Variants in CDC73 observed in about 807,000 individuals in gnomAD.
The protein encoded by CDC73 is parafibromin.
Under a neutral mutation model 83.7 loss-of-function variants are expected in CDC73, and 21 were observed. The observed-to-expected ratio is 0.25, with a 90% CI of 0.18 to 0.36. CDC73 has a LOEUF of 0.36. Ranked by LOEUF, CDC73 falls within the 10% of genes least tolerant of loss-of-function variation. The probability of loss-of-function intolerance (pLI) is 1.00; values close to 1 mark genes in which losing one functional copy is unlikely to be tolerated. For synonymous variants in CDC73, 224 were observed against 212.9 expected (o/e 1.05, Z -0.45); for missense variants, 342 against 653.3 (o/e 0.52, Z 5.19).
chr1:193,225,614 G>A (rs1677554201), intron 13 of CDC73, among the ~76,000 whole-genome samples: 1 of 151,938 alleles, frequency 6.6e-6, no homozygotes, highest in Admixed American at 6.6e-5. Flanking sequence ...CAGAAGTAAG[G>A]CAGTATTGCA....
chr1:193,221,234 A>C (rs1236991463), intron 13 of CDC73, among the ~76,000 whole-genome samples: 1 of 152,134 alleles, frequency 6.6e-6, no homozygotes, highest in Non-Finnish European at 1.5e-5. Context: ...TTAAAGTTTG[A>C]TTTTATGTAT....
At chr1:193,168,810 C>T (rs989232557) in intron 10 of CDC73, among the ~76,000 whole-genome samples, 4 of 152,248 alleles carry the variant, frequency 2.6e-5, no homozygotes, top group African/African-American at 9.6e-5. Context: ...CACGCGTGAG[C>T]CACAGCGTCT....
intron 11 of CDC73, among the ~76,000 whole-genome samples, chr1:193,208,183 G>A (rs1677220962): frequency 1.3e-5 from 2 of 152,156 alleles, no homozygotes; most frequent in African/African-American, 4.8e-5. Flanking sequence ...TTCTGTTGGT[G>A]GGTTCTGTCA....
At chr1:193,149,845 TAA>T (rs894597501) in intron 8 of CDC73, among the ~76,000 whole-genome samples, 2 of 151,936 alleles carry the variant, frequency 1.3e-5, no homozygotes, top group Non-Finnish European at 2.9e-5. Flanking sequence ...TCTAATTATT[TAA>T]AAAAAATACG....
At position 193,131,073 on chromosome 1, in the gene CDC73, A is replaced by G. The variant is rs566542380; in HGVS notation, c.307+830A>G. On this transcript the variant is annotated intron_variant, in intron 3 of 16. Transcript: ENST00000367435. ...TCATATATATGCTGATGAAATTTCA[A>G]GTGTTTTTTTCAGCATTGATTTCTT... 2.6e-5 allele frequency among the ~76,000 whole-genome samples: 4 copies of G among 152,174 alleles called. No homozygotes were observed. The East Asian group carries it at 5.8e-4, about 22-fold the overall frequency.
chr1:193,135,481 A>G (rs1675775841), intron 4 of CDC73, 28 bp downstream of exon 4: 2 of 1,609,774 alleles, frequency 1.2e-6, no homozygotes, highest in Non-Finnish European at 1.7e-6. Flanking sequence ...TTTATATTGA[A>G]CTTTCAGAAG....
intron 13 of CDC73, among the ~76,000 whole-genome samples, chr1:193,224,350 T>TATATATGAAATATGCATTCACATATACAC (rs1183232504): frequency 6.6e-6 from 1 of 152,084 alleles, no homozygotes; most frequent in African/African-American, 2.4e-5. Flanking sequence ...TATATATATA[T>TATATATGAAATATGCATTCACATATACAC]ATATATGAAA....
chr1:193,208,295 G>C (rs1157390910), intron 11 of CDC73, among the ~76,000 whole-genome samples: 1 of 152,172 alleles, frequency 6.6e-6, no homozygotes, highest in African/African-American at 2.4e-5. Flanking sequence ...GTGGGTCTCA[G>C]TGTGGTCGGT....
chr1:193,174,615 T>C (rs988087861), intron 10 of CDC73, among the ~76,000 whole-genome samples: 7 of 152,190 alleles, frequency 4.6e-5, no homozygotes, highest in African/African-American at 1.4e-4. Flanking sequence ...CACTTGACAA[T>C]CCTTTCATAC....
chr1:193,185,006 A>T (rs927142193), intron 10 of CDC73, among the ~76,000 whole-genome samples: 1 of 152,042 alleles, frequency 6.6e-6, no homozygotes, highest in Non-Finnish European at 1.5e-5. Flanking sequence ...TTGCTGTTCT[A>T]TGATTGTTGC....
intron 9 of CDC73, 125 bp downstream of exon 9, chr1:193,150,507 A>G: frequency 1.5e-6 from 1 of 689,320 alleles, no homozygotes; most frequent in Non-Finnish European, 2.6e-6. Flanking sequence ...TACCCACTGC[A>G]ATTTTTCTTA....
In CDC73 at chr1:193,205,136, G is replaced by T. The variant is rs143234588; in HGVS notation, c.1030+1284G>T. On this transcript the variant is annotated intron_variant, in intron 11 of 16. Coordinates refer to ENST00000367435, the MANE Select transcript of CDC73 (RefSeq NM_024529.5). ...CTTTTGGGTTTGTTTTTGGTGTTTG[G>T]TGTTTGTTTTATTTTTACATTTATT... is the stretch of plus-strand genomic sequence containing the variant. Among the ~76,000 whole-genome samples, 24 of 145,546 alleles carry T rather than the reference G, an allele frequency of 1.6e-4. No individual in the cohort carries two copies. The East Asian group carries it at 4.7e-3, about 29-fold the overall frequency.
chr1:193,160,631 C>T (rs1676292190), intron 10 of CDC73, among the ~76,000 whole-genome samples: 1 of 151,992 alleles, frequency 6.6e-6, no homozygotes, highest in Non-Finnish European at 1.5e-5. Flanking sequence ...CAGTGTTAAA[C>T]ATATTTTATA....
chr1:193,227,194 A>G (rs908720777), intron 13 of CDC73, among the ~76,000 whole-genome samples: 1 of 151,768 alleles, frequency 6.6e-6, no homozygotes, highest in Non-Finnish European at 1.5e-5. Context: ...TCAAAGAACC[A>G]GCTTTTTTTG....
chr1:193,177,906 A>C (rs1418399765), intron 10 of CDC73, among the ~76,000 whole-genome samples: 3 of 152,226 alleles, frequency 2.0e-5, no homozygotes, highest in Non-Finnish European at 4.4e-5. Flanking sequence ...AAGTATTCTA[A>C]GTATTGAAAG....
intron 6 of CDC73, among the ~76,000 whole-genome samples, chr1:193,138,992 T>G (rs1241635967): frequency 6.6e-6 from 1 of 151,962 alleles, no homozygotes; most frequent in Non-Finnish European, 1.5e-5. Context: ...GCCAGGCTGG[T>G]CTCAAACTCC....
intron 15 of CDC73, among the ~76,000 whole-genome samples, chr1:193,242,716 C>T (rs1677883104): frequency 1.3e-5 from 2 of 152,006 alleles, no homozygotes; most frequent in Non-Finnish European, 2.9e-5. Flanking sequence ...ATTTAATAAT[C>T]TTCTGTATTA....
At chr1:193,157,792 T>A (rs1299042388) in intron 10 of CDC73, among the ~76,000 whole-genome samples, 1 of 152,224 alleles carries the variant, frequency 6.6e-6, no homozygotes, top group Non-Finnish European at 1.5e-5. Flanking sequence ...AATATAAGGC[T>A]TTGAAGTCAG....
At chr1:193,153,057 C>T (rs192538293) in intron 10 of CDC73, among the ~76,000 whole-genome samples, 4 of 152,122 alleles carry the variant, frequency 2.6e-5, no homozygotes, top group Non-Finnish European at 4.4e-5. Context: ...TGTGAGCCAC[C>T]GTGCCCAGCC....
Sources: allele counts gnomAD v4.1 joint callset (sites outside exome capture counted in the v4.1 genomes callset), GRCh38; gene constraint gnomAD v4.1.1; transcripts MANE v1.5; gene names NCBI Gene and HGNC (gene_info 2026-07-23, HGNC 2026-07-21).